Variants in DERA observed in about 807,000 individuals in gnomAD.
DERA encodes 2-deoxy-D-ribose 5-phosphate aldolase.
DERA carries 15 observed loss-of-function variants against 41.1 expected under a neutral mutation model. That is an observed-to-expected ratio of 0.37 (90% CI 0.24 to 0.56). The LOEUF (loss-of-function observed/expected upper bound fraction) is 0.56, where lower values mean the gene tolerates loss of function less well. DERA is among the 20% of genes least tolerant of loss of function. The pLI, the probability that DERA is intolerant of heterozygous loss-of-function variation, is 0.81. For synonymous variants in DERA, 139 were observed against 137.4 expected, an observed-to-expected ratio of 1.01 and a Z score of -0.08; for missense variants, 396 against 403.4, an observed-to-expected ratio of 0.98 and a Z score of 0.16.
rs1013999877 is a variant in DERA at position 16,000,710 on chromosome 12, T to G, written c.637+18274T>G. ...GCCAGCAAAGGCTGTTTGTAGAACGTTAGCTGCTATCACACTGGCTTGATA... is the reference window on the plus strand; with the variant it reads ...GCCAGCAAAGGCTGTTTGTAGAACGGTAGCTGCTATCACACTGGCTTGATA... On this transcript the variant is annotated intron_variant, in intron 6 of 8. Coordinates refer to ENST00000428559, the MANE Select transcript of DERA (RefSeq NM_015954.4). The surrounding 1 kb of genome is among the most constrained non-coding windows in gnomAD (Gnocchi z 4.8). Among the ~76,000 whole-genome samples the G allele has an allele frequency of 2.6e-5, 4 of 152,252 alleles. No homozygotes were observed. Among genetic ancestry groups the G allele is most frequent in the African/African-American group, 9.6e-5 (4 of 41,472 alleles).
In DERA at chr12:15,915,659, T is replaced by A. The variant is rs1948193728; in HGVS notation, c.31+4245T>A. Among the ~76,000 whole-genome samples the A allele has an allele frequency of 6.6e-6, 1 of 152,188 alleles. No homozygotes were observed. The highest frequency in any genetic ancestry group is 6.5e-5 in the Admixed American group (1 of 15,284). On this transcript the variant is annotated intron_variant, in intron 1 of 8. Transcript: ENST00000428559. The surrounding 1 kb of genome is among the most constrained non-coding windows in gnomAD (Gnocchi z 4.8). ...TCTGTTTGCATAATAATTCTTCACCTTATTTAATACCTACTGTGTGCAGAC... is the reference window on the plus strand; with the variant it reads ...TCTGTTTGCATAATAATTCTTCACCATATTTAATACCTACTGTGTGCAGAC...
chr12:15,934,599 A>G (rs903916423), intron 1 of DERA, among the ~76,000 whole-genome samples: 1 of 152,074 alleles, frequency 6.6e-6, no homozygotes, highest in Non-Finnish European at 1.5e-5. Context: ...AAAAAAAACA[A>G]AAAAAAGTTT....
chr12:15,993,088 G>T lies in DERA; in HGVS notation c.637+10652G>T, dbSNP rs1193718368. Among the ~76,000 whole-genome samples the T allele has an allele frequency of 6.6e-6, 1 of 151,878 alleles. No individual in the cohort carries two copies. Among genetic ancestry groups the T allele is most frequent in the Non-Finnish European group, 1.5e-5 (1 of 67,976 alleles). On this transcript the variant is annotated intron_variant, in intron 6 of 8. Transcript: ENST00000428559. The surrounding 1 kb of genome is among the most constrained non-coding windows in gnomAD (Gnocchi z 4.4). ...CGTGTAGAAAATGAAACATGAAAAA[G>T]GTAGAATCCAGGGGAGGGAACATTC...
intron 5 of DERA, among the ~76,000 whole-genome samples, chr12:15,979,729 T>C (rs1400837506): frequency 6.6e-6 from 1 of 152,246 alleles, no homozygotes; most frequent in East Asian, 1.9e-4. Flanking sequence ...AATCCAGTTA[T>C]GCTCTAAGTG....
intron 1 of DERA, among the ~76,000 whole-genome samples, chr12:15,947,129 A>G (rs1423806390): frequency 6.6e-6 from 1 of 152,106 alleles, no homozygotes; most frequent in Non-Finnish European, 1.5e-5. Flanking sequence ...ACTTCCAACT[A>G]TGTGGTCAAT....
At chr12:16,033,632 C>T (rs1162270077) in intron 7 of DERA, among the ~76,000 whole-genome samples, 2 of 117,116 alleles carry the variant, frequency 1.7e-5, no homozygotes, top group African/African-American at 3.1e-5. Context: ...TGTTTAATGA[C>T]ACTTTCCCTT....
rs148463160 is a variant in DERA, at chr12:15,990,779, A to T, written c.637+8343A>T. The stretch of plus-strand genomic sequence containing the variant: ...CATCCATGTCCCTGCAAAGGATATG[A>T]TCTCATTCTTTTTTTATGGCTGGAT... On this transcript the variant is annotated intron_variant, in intron 6 of 8. Coordinates refer to ENST00000428559, the MANE Select transcript of DERA (RefSeq NM_015954.4). This position sits in a 1 kb window ranked among gnomAD's most constrained non-coding sequence, Gnocchi z 4.3. Among the ~76,000 whole-genome samples the T allele has an allele frequency of 1.1e-3, 160 of 152,262 alleles. No homozygotes were observed. The East Asian group carries it at 0.021, about 20-fold the overall frequency.
chr12:16,032,560 CCT>C lies in DERA; in HGVS notation c.659_660del (p.Ser220TyrfsTer21). 6.5e-7 allele frequency: 1 copy of C among 1,540,246 alleles called. No individual in the cohort carries two copies. Among genetic ancestry groups the C allele is most frequent in the Non-Finnish European group, 8.8e-7 (1 of 1,142,580 alleles). Reference sequence around the variant, plus strand: ...GTTTTAGGATCAGATTTTATTAAGACCTCTACTGGAAAAGAAACAGTAAATGC... The same window carrying C: ...GTTTTAGGATCAGATTTTATTAAGACCTACTGGAAAAGAAACAGTAAATGC... On this transcript the variant is annotated frameshift_variant, in exon 7 of 9. Transcript: ENST00000428559. LOFTEE classifies it high-confidence loss of function.
In DERA at chr12:15,911,392, G is replaced by A. The variant is rs771664021; in HGVS notation, c.9G>A (p.Ala3=). Residue 3 remains alanine, a synonymous_variant, in exon 1 of 9, where the codon GCG becomes GCA. Coordinates refer to ENST00000428559, the MANE Select transcript of DERA (RefSeq NM_015954.4). The surrounding 1 kb of genome is among the most constrained non-coding windows in gnomAD (Gnocchi z 4.5). Reference sequence around the variant, plus strand: ...CCGGAGCTGCCCGCGCCATGTCCGCGCACAATCGGGGCACCGAGCTCGGTA... The same window carrying A: ...CCGGAGCTGCCCGCGCCATGTCCGCACACAATCGGGGCACCGAGCTCGGTA... MS[A]HNRGTELDLS... is the part of the protein sequence containing the mutation. The A allele has an allele frequency of 2.1e-6, 3 of 1,404,252 alleles. No individual in the cohort carries two copies. The highest frequency in any genetic ancestry group is 3.4e-5 in the Admixed American group (1 of 29,136). 87.0% of individuals were successfully genotyped at this position (1,404,252 alleles called of 1,614,324 possible). A position where few individuals can be genotyped will look rare whatever the true frequency, so the allele number is the denominator to read the frequency against.
At position 15,911,598 on chromosome 12, in the gene DERA, C is replaced by T; in HGVS notation, c.31+184C>T. The T allele has an allele frequency of 1.4e-6, 1 of 711,454 alleles. No individual in the cohort carries two copies. The highest frequency in any genetic ancestry group is 2.5e-6 in the Non-Finnish European group (1 of 397,976). The allele number at this position is 711,454 out of a possible 1,614,324, so 44.1% of individuals were successfully genotyped here. A position where few individuals can be genotyped will look rare whatever the true frequency, so the allele number is the denominator to read the frequency against. ...AAAGGCCGAACCCGGCACGTTCGCG[C>T]CGCTTGTCTTTGCACCTAAGCTTTT... On this transcript the variant is annotated intron_variant, in intron 1 of 8. Coordinates refer to ENST00000428559, the MANE Select transcript of DERA (RefSeq NM_015954.4). The surrounding 1 kb of genome is among the most constrained non-coding windows in gnomAD (Gnocchi z 4.5).
At chr12:15,952,711 C>T (rs1369812599) in intron 1 of DERA, among the ~76,000 whole-genome samples, 3 of 152,200 alleles carry the variant, frequency 2.0e-5, no homozygotes, top group South Asian at 2.1e-4. Context: ...AAGCACATTT[C>T]GATTTGGACT....
At chr12:15,926,729 T>C (rs1592001308) in intron 1 of DERA, among the ~76,000 whole-genome samples, 4 of 120,860 alleles carry the variant, frequency 3.3e-5, no homozygotes, top group South Asian at 6.1e-4. Flanking sequence ...AGAGCGAGAC[T>C]CCGTCTCAAA....
intron 6 of DERA, among the ~76,000 whole-genome samples, chr12:16,018,144 GC>G (rs1248644113): frequency 6.6e-6 from 1 of 152,070 alleles, no homozygotes; most frequent in African/African-American, 2.4e-5. Context: ...TACAGTAGTA[GC>G]CTTAAGATAT....
intron 5 of DERA, among the ~76,000 whole-genome samples, chr12:15,977,376 A>G (rs1359270615): frequency 6.6e-6 from 1 of 152,224 alleles, no homozygotes; most frequent in Non-Finnish European, 1.5e-5. Flanking sequence ...GTATGAAGAC[A>G]TGACTCCTCC....
At chr12:15,929,866 G>C (rs1432390007) in intron 1 of DERA, among the ~76,000 whole-genome samples, 2 of 152,056 alleles carry the variant, frequency 1.3e-5, no homozygotes, top group Admixed American at 1.3e-4. Flanking sequence ...AGCCCATCCT[G>C]ATTAAAATTT....
chr12:15,925,780 T>G (rs906110067), intron 1 of DERA, among the ~76,000 whole-genome samples: 2 of 151,126 alleles, frequency 1.3e-5, no homozygotes, highest in Non-Finnish European at 1.5e-5. Flanking sequence ...GCATCAAAGC[T>G]GCTGTGTTTT....
chr12:15,926,645 G>T (rs143785992), intron 1 of DERA, among the ~76,000 whole-genome samples: 2 of 151,520 alleles, frequency 1.3e-5, no homozygotes, highest in African/African-American at 4.9e-5. Context: ...CTGAGGCAGG[G>T]GAATGGCGTG....
rs34468299 is a variant in DERA at position 15,996,157 on chromosome 12, A to ATGTG, written c.637+13753_637+13756dup. On this transcript the variant is annotated intron_variant, in intron 6 of 8. Coordinates refer to ENST00000428559, the MANE Select transcript of DERA (RefSeq NM_015954.4). The surrounding 1 kb of genome is among the most constrained non-coding windows in gnomAD (Gnocchi z 4.7). ...GCAGACACAGACACACACACAGAGCATGTGTGTGTGTGTGTGTGTGTGTGT... is the reference window on the plus strand; with the variant it reads ...GCAGACACAGACACACACACAGAGCATGTGTGTGTGTGTGTGTGTGTGTGTGTGT... 0.073 allele frequency among the ~76,000 whole-genome samples: 10,557 copies of ATGTG among 145,054 alleles called. 458 individuals carry two copies. The highest frequency in any genetic ancestry group is 0.11 in the Non-Finnish European group (6,943 of 65,548).
chr12:16,008,014 G>A lies in DERA; in HGVS notation c.638-24528G>A, dbSNP rs753207093. Among the ~76,000 whole-genome samples the A allele has an allele frequency of 5.9e-5, 9 of 151,962 alleles. No homozygotes were observed. Among genetic ancestry groups the A allele is most frequent in the South Asian group, 2.1e-4 (1 of 4,822 alleles). ...TACAGGTGTGTGCCACTGTGTGCCC[G>A]GCTAATTTTTGTATTTTTAGTAGAG... On this transcript the variant is annotated intron_variant, in intron 6 of 8. Coordinates refer to ENST00000428559, the MANE Select transcript of DERA (RefSeq NM_015954.4). This position sits in a 1 kb window ranked among gnomAD's most constrained non-coding sequence, Gnocchi z 4.8.
Sources: allele counts gnomAD v4.1 joint callset (sites outside exome capture counted in the v4.1 genomes callset), GRCh38; gene constraint gnomAD v4.1.1; non-coding constraint Gnocchi (gnomAD v3.1); transcripts MANE v1.5; gene names NCBI Gene and HGNC (gene_info 2026-07-23, HGNC 2026-07-21).